Variants in SLMAP observed in about 807,000 individuals in gnomAD.
The protein encoded by SLMAP is sarcolemmal membrane-associated protein.
SLMAP carries 44 observed loss-of-function variants against 128.8 expected under a neutral mutation model. The observed-to-expected ratio is 0.34, with a 90% CI of 0.27 to 0.44. The LOEUF is 0.44. Among genes scored for constraint, SLMAP ranks in the 20% least tolerant of loss-of-function variants. The pLI, the probability that SLMAP is intolerant of heterozygous loss-of-function variation, is 1.00. For missense variants in SLMAP, 787 were observed against 985.3 expected (o/e 0.80, Z 2.69); for synonymous variants, 327 against 348.8 (o/e 0.94, Z 0.70).
Position 57,877,113 on chromosome 3 carries a change from TTTG to T in SLMAP, c.1300+5421_1300+5423del, listed in dbSNP as rs556282387. 7.9e-5 allele frequency among the ~76,000 whole-genome samples: 12 copies of T among 152,302 alleles called. No homozygotes were observed. The East Asian group carries it at 1.2e-3, about 15-fold the overall frequency. The stretch of plus-strand genomic sequence containing the variant: ...TTGTTATTATTATGAGACTTAACTT[TTTG>T]TTGTTATTAGTTTAATATTTTATGT... On this transcript the variant is annotated intron_variant, in intron 14 of 24. Coordinates refer to ENST00000671191, the MANE Select transcript of SLMAP (RefSeq NM_001377540.1).
intron 22 of SLMAP, among the ~76,000 whole-genome samples, chr3:57,921,509 G>A (rs991672689): frequency 2.0e-5 from 3 of 151,802 alleles, no homozygotes; most frequent in Admixed American, 1.3e-4. Flanking sequence ...GCCCGTAATC[G>A]CAGCTACTCA....
intron 2 of SLMAP, among the ~76,000 whole-genome samples, chr3:57,763,183 A>T (rs2079026373): frequency 6.6e-6 from 1 of 152,064 alleles, no homozygotes. Flanking sequence ...CTAGTGGTTG[A>T]CATAGTAGTC....
chr3:57,911,464 T>C (rs1043932851), intron 19 of SLMAP, among the ~76,000 whole-genome samples: 3 of 152,260 alleles, frequency 2.0e-5, no homozygotes, highest in Non-Finnish European at 4.4e-5. Context: ...TGCGCCAAGT[T>C]TGATTTTATA....
chr3:57,762,780 A>G (rs181469862), intron 2 of SLMAP, among the ~76,000 whole-genome samples: 29 of 148,228 alleles, frequency 2.0e-4, no homozygotes, highest in African/African-American at 5.3e-4. Flanking sequence ...CAGTGGCGCA[A>G]TCTCGGCTCA....
chr3:57,854,016 AT>A (rs1319286105), intron 6 of SLMAP, among the ~76,000 whole-genome samples: 11 of 114,008 alleles, frequency 9.6e-5, no homozygotes, highest in African/African-American at 1.3e-4. Context: ...TATAATATAT[AT>A]TATATATAAT....
chr3:57,800,972 G>T, intron 2 of SLMAP: 1 of 286,046 alleles, frequency 3.5e-6, no homozygotes, highest in Non-Finnish European at 6.9e-6. Flanking sequence ...CATATGCATT[G>T]ATCCTACTTT....
At position 57,857,784 on chromosome 3, in the gene SLMAP, C is replaced by T. The variant is rs1314467116; in HGVS notation, c.571C>T (p.Arg191Trp). 6 of 1,613,708 alleles carry T rather than the reference C, an allele frequency of 3.7e-6. No homozygotes were observed. The highest frequency in any genetic ancestry group is 5.1e-6 in the Non-Finnish European group (6 of 1,179,602). ...MLEQKLATLQ[R>W]LLAITQEASD... ...GGAACAGAAGTTAGCCACGCTTCAG[C>T]GGCTACTAGCCATCACCCAAGAGGC... The change falls in exon 7 of 25, where the codon CGG (arginine) becomes TGG (tryptophan). Residue 191 changes from arginine to tryptophan, a missense_variant. Arg to Trp is a moderately radical substitution (Grantham distance 101). Coordinates refer to ENST00000671191, the MANE Select transcript of SLMAP (RefSeq NM_001377540.1).
chr3:57,798,351 C>T (rs2087289468), intron 2 of SLMAP, among the ~76,000 whole-genome samples: 1 of 152,120 alleles, frequency 6.6e-6, no homozygotes, highest in Non-Finnish European at 1.5e-5. Context: ...CCTAAGTTAC[C>T]TCATTGATGA....
chr3:57,772,645 A>AT (rs534768684), intron 2 of SLMAP, among the ~76,000 whole-genome samples: 2,775 of 145,306 alleles, frequency 0.019, 40 homozygotes, highest in Admixed American at 0.032. Context: ...CTTTTTTTTA[A>AT]TTTTTTTTTT....
intron 2 of SLMAP, among the ~76,000 whole-genome samples, chr3:57,779,161 A>G (rs903363951): frequency 2.0e-5 from 3 of 151,940 alleles, no homozygotes; most frequent in Non-Finnish European, 4.4e-5. Context: ...AATGTTGAAT[A>G]AAAAGAGCAA....
intron 15 of SLMAP, among the ~76,000 whole-genome samples, chr3:57,893,125 T>A (rs2096136359): frequency 6.6e-6 from 1 of 151,916 alleles, no homozygotes; most frequent in Admixed American, 6.6e-5. Flanking sequence ...TGCTTTCTTA[T>A]TCAGAGTAGA....
At chr3:57,771,897 A>G (rs1232283055) in intron 2 of SLMAP, among the ~76,000 whole-genome samples, 12 of 152,252 alleles carry the variant, frequency 7.9e-5, no homozygotes, top group African/African-American at 2.7e-4. Context: ...TCAGTAGCAT[A>G]CTTAAGATCC....
chr3:57,761,681 T>C (rs1410620187), intron 2 of SLMAP, among the ~76,000 whole-genome samples: 1 of 152,206 alleles, frequency 6.6e-6, no homozygotes, highest in African/African-American at 2.4e-5. Flanking sequence ...ATTGGGGTAA[T>C]ATGTGCTTTG....
chr3:57,862,198 A>G (rs981387861), intron 10 of SLMAP, 112 bp downstream of exon 10: 27 of 791,924 alleles, frequency 3.4e-5, no homozygotes, highest in Non-Finnish European at 1.8e-5. Flanking sequence ...GGCGCCTGTA[A>G]TCCCAGCTTC....
intron 2 of SLMAP, among the ~76,000 whole-genome samples, chr3:57,781,014 A>T (rs1171025770): frequency 6.6e-6 from 1 of 151,724 alleles, no homozygotes; most frequent in African/African-American, 2.4e-5. Context: ...ATATATATAT[A>T]CATATATATA....
At chr3:57,758,483 C>A (rs752063099) in intron 2 of SLMAP, among the ~76,000 whole-genome samples, 1 of 152,054 alleles carries the variant, frequency 6.6e-6, no homozygotes, top group African/African-American at 2.4e-5. Flanking sequence ...ACACATATTG[C>A]GTTTGAAAAT....
At chr3:57,787,997 A>T (rs2084612110) in intron 2 of SLMAP, among the ~76,000 whole-genome samples, 2 of 152,240 alleles carry the variant, frequency 1.3e-5, no homozygotes. Context: ...GTGAAGAAAG[A>T]GTGGTTAGAA....
chr3:57,852,548 A>G (rs2094545534), intron 6 of SLMAP, among the ~76,000 whole-genome samples: 1 of 152,234 alleles, frequency 6.6e-6, no homozygotes, highest in South Asian at 2.1e-4. Context: ...AAAAATTAAT[A>G]TATGTAAAGC....
intron 2 of SLMAP, among the ~76,000 whole-genome samples, chr3:57,812,019 G>T (rs2091067417): frequency 6.6e-6 from 1 of 152,094 alleles, no homozygotes; most frequent in Non-Finnish European, 1.5e-5. Flanking sequence ...CTCCCATTCT[G>T]TGCGTTGCCT....
Sources: allele counts gnomAD v4.1 joint callset (sites outside exome capture counted in the v4.1 genomes callset), GRCh38; gene constraint gnomAD v4.1.1; transcripts MANE v1.5; gene names NCBI Gene and HGNC (gene_info 2026-07-23, HGNC 2026-07-21).